The following PLCH2 variants were observed in gnomAD, a reference collection of about 807,000 sequenced individuals.
PLCH2 encodes the protein phospholipase C eta 2.
A neutral mutation model predicts 134.7 loss-of-function variants in PLCH2; 98 were observed. The ratio of observed to expected loss-of-function variants is 0.73; its 90% CI spans 0.62 to 0.86. PLCH2 has a LOEUF of 0.86. Among genes scored for constraint, PLCH2 ranks in the 40% least tolerant of loss-of-function variants. PLCH2 has a pLI of 0.00. For synonymous variants in PLCH2, 974 were observed against 827.5 expected (o/e 1.18, Z -3.04); for missense variants, 1,994 against 1,986.6 (o/e 1.00, Z -0.07).
chr1:2,429,807 G>A (rs1401676846), intron 1 of PLCH2, among the ~76,000 whole-genome samples: 4 of 152,222 alleles, frequency 2.6e-5, no homozygotes, highest in African/African-American at 7.2e-5. Flanking sequence ...CCTCGGGGCC[G>A]TGGGGGCCCC....
chr1:2,493,488 G>A (rs1203066130), intron 11 of PLCH2: 1 of 152,270 alleles, frequency 6.6e-6, no homozygotes, highest in Non-Finnish European at 1.5e-5. Context: ...GACAACCTGG[G>A]AGCCTCCTGC....
At chr1:2,489,602 G>C (rs1642459265) in intron 9 of PLCH2, among the ~76,000 whole-genome samples, 158 bp from the exon 10 acceptor site, 1 of 152,244 alleles carries the variant, frequency 6.6e-6, no homozygotes, top group Non-Finnish European at 1.5e-5. Context: ...TGCAGCCACA[G>C]GGAGCTGGCC....
In PLCH2 at chr1:2,494,895, G is replaced by A. The variant is rs751286937; in HGVS notation, c.1699G>A (p.Gly567Arg). 84 of 1,606,042 alleles carry A rather than the reference G, an allele frequency of 5.2e-5. No homozygotes were observed. Among genetic ancestry groups the A allele is most frequent in the Admixed American group, 8.4e-5 (5 of 59,340 alleles). ...GGACGTGGAGTCTGGGGAGGATGCC[G>A]GGGCCAGCAGACGCAATGGCCGCCT... ...EEDVESGEDA[G>R]ASRRNGRLVV... Residue 567 changes from glycine to arginine, a missense_variant, in exon 12 of 22, where the codon GGG becomes AGG. Coordinates refer to ENST00000378486, the MANE Select transcript of PLCH2 (RefSeq NM_014638.4).
Position 2,499,734 on chromosome 1 carries a change from C to A in PLCH2, c.2661+14C>A. The A allele has an allele frequency of 1.3e-6, 2 of 1,560,342 alleles. No homozygotes were observed. The highest frequency in any genetic ancestry group is 4.8e-5 in the East Asian group (2 of 42,036). ...ATCAGCGGTAAGGTGAGTGTCACCCCCTGCCACCAGCCATCATGGGGAGGG... is the reference window on the plus strand; with the variant it reads ...ATCAGCGGTAAGGTGAGTGTCACCCACTGCCACCAGCCATCATGGGGAGGG... On this transcript the variant is annotated intron_variant, in intron 20 of 21. Coordinates refer to ENST00000378486, the MANE Select transcript of PLCH2 (RefSeq NM_014638.4).
intron 15 of PLCH2, 70 bp from the exon 16 acceptor site, chr1:2,497,432 T>C (rs1387137563): frequency 2.3e-5 from 19 of 836,758 alleles, no homozygotes; most frequent in South Asian, 4.6e-5. Flanking sequence ...TAGCGTGTGG[T>C]GGTGGGTGGG....
At chr1:2,425,366 C>T (rs1638742432), upstream of PLCH2, among the ~76,000 whole-genome samples, 2 of 152,264 alleles carry the variant, frequency 1.3e-5, no homozygotes, top group South Asian at 4.1e-4. Flanking sequence ...ATCCACTCAT[C>T]CACTGATGGA....
intron 2 of PLCH2, among the ~76,000 whole-genome samples, chr1:2,440,724 G>C (rs572958479): frequency 6.6e-6 from 1 of 152,142 alleles, no homozygotes; most frequent in Admixed American, 6.5e-5. Context: ...TGCATGCTGC[G>C]ACCAGGGATT....
chr1:2,456,079 C>A (rs142537985), intron 2 of PLCH2, among the ~76,000 whole-genome samples: 1 of 152,234 alleles, frequency 6.6e-6, no homozygotes, highest in East Asian at 1.9e-4. Context: ...GAAACAGCGT[C>A]GCCTGGGGCA....
intron 2 of PLCH2, among the ~76,000 whole-genome samples, chr1:2,449,334 T>C (rs2100550344): frequency 6.6e-6 from 1 of 152,136 alleles, no homozygotes; most frequent in Non-Finnish European, 1.5e-5. Flanking sequence ...CTACTCAAAA[T>C]ACAAAAATTT....
At chr1:2,435,264 G>C (rs575814057) in intron 2 of PLCH2, among the ~76,000 whole-genome samples, 3 of 152,370 alleles carry the variant, frequency 2.0e-5, no homozygotes, top group African/African-American at 7.2e-5. Flanking sequence ...CAGAGGCCGG[G>C]CAGGGGCTGT....
At chr1:2,426,890 G>A (rs989651311) in intron 1 of PLCH2, among the ~76,000 whole-genome samples, 4 of 152,346 alleles carry the variant, frequency 2.6e-5, no homozygotes, top group Admixed American at 2.0e-4. Context: ...TGGCTTCTCC[G>A]GGGCCTTAGG....
intron 10 of PLCH2, among the ~76,000 whole-genome samples, chr1:2,490,349 T>C (rs1315290916): frequency 6.6e-6 from 1 of 152,106 alleles, no homozygotes; most frequent in African/African-American, 2.4e-5. Context: ...AGCAGTGCCA[T>C]CTCTAAGGTC....
chr1:2,459,573 TGGTCCTCCTTGCCG>T (rs1640698845), intron 2 of PLCH2, among the ~76,000 whole-genome samples: 1 of 146,208 alleles, frequency 6.8e-6, no homozygotes, highest in African/African-American at 2.5e-5. Flanking sequence ...TCCTTGCCGG[TGGTCCTCCTTGCCG>T]GTGGTCTTCC....
upstream of PLCH2, among the ~76,000 whole-genome samples, chr1:2,421,868 G>A (rs1336473776): frequency 6.6e-6 from 1 of 152,110 alleles, no homozygotes; most frequent in Non-Finnish European, 1.5e-5. Context: ...CAGCTACACA[G>A]GAGGCTGAGG....
intron 5 of PLCH2, 90 bp from the exon 6 acceptor site, chr1:2,486,817 A>G (rs1007148085): frequency 1.0e-6 from 1 of 958,562 alleles, no homozygotes; most frequent in East Asian, 2.6e-5. Context: ...AATCAGAGAC[A>G]GGCAGGGGAC....
intron 2 of PLCH2, among the ~76,000 whole-genome samples, chr1:2,436,523 T>A (rs112596394): frequency 0.027 from 785 of 29,392 alleles, 108 homozygotes; most frequent in East Asian, 0.14. Context: ...TCCTCCCTCC[T>A]CCTTTCCTCC....
rs946906631 is a variant in PLCH2, at chr1:2,438,796, C to T, written c.115+8167C>T. On this transcript the variant is annotated intron_variant, in intron 2 of 3. Coordinates refer to the PLCH2 transcript ENST00000609981. ...TGCCTGCCCACCAGTCTGCCACCCT[C>T]CCTGTGTGCCAGAAGGGCCTCTGGT... is the stretch of plus-strand genomic sequence containing the variant. Among the ~76,000 whole-genome samples, 98 of 152,332 alleles carry T rather than the reference C, an allele frequency of 6.4e-4. 3 individuals are homozygous for T. The highest frequency in any genetic ancestry group is 1.6e-4 in the Non-Finnish European group (11 of 68,024).
chr1:2,466,766 G>A (rs552645898), upstream of PLCH2, among the ~76,000 whole-genome samples: 12 of 152,370 alleles, frequency 7.9e-5, no homozygotes, highest in South Asian at 1.7e-3. Flanking sequence ...GGAGCAGCGC[G>A]TGCAGGGGGA....
At chr1:2,436,864 C>T (rs1056740919) in intron 2 of PLCH2, among the ~76,000 whole-genome samples, 2 of 152,188 alleles carry the variant, frequency 1.3e-5, no homozygotes, top group Non-Finnish European at 2.9e-5. Context: ...GACCTGCAGG[C>T]AGGGGAGGGT....
Sources: gnomAD v4.1 joint callset for allele counts (sites outside exome capture counted in the v4.1 genomes callset) on GRCh38, gnomAD v4.1.1 for gene constraint, MANE v1.5 for transcripts, NCBI Gene and HGNC (gene_info 2026-07-23, HGNC 2026-07-21) for gene names.